The following TGFB1 variants were observed in gnomAD, a reference collection of about 807,000 sequenced individuals.
The protein encoded by TGFB1 is transforming growth factor beta 1.
TGFB1 carries 19 observed loss-of-function variants against 43.8 expected under a neutral mutation model. The ratio of observed to expected loss-of-function variants is 0.43; its 90% CI spans 0.30 to 0.64. The LOEUF (loss-of-function observed/expected upper bound fraction) is 0.64. TGFB1 is among the 30% of genes least tolerant of loss of function. The probability of loss-of-function intolerance (pLI) is 0.11; values close to 1 mark genes in which losing one functional copy is unlikely to be tolerated. For missense variants in TGFB1, 445 were observed against 529.8 expected, an observed-to-expected ratio of 0.84 and a Z score of 1.57; for synonymous variants, 221 against 236.3, an observed-to-expected ratio of 0.94 and a Z score of 0.60.
chr19:41,335,020 T>C (rs2037973721), intron 5 of TGFB1, among the ~76,000 whole-genome samples: 3 of 151,788 alleles, frequency 2.0e-5, no homozygotes, highest in African/African-American at 7.3e-5. Context: ...CAGGAAGTTC[T>C]GAACTCACAA....
intron 2 of TGFB1, among the ~76,000 whole-genome samples, chr19:41,346,821 G>A (rs578093768): frequency 6.6e-6 from 1 of 152,178 alleles, no homozygotes; most frequent in Admixed American, 6.6e-5. Context: ...CACCTCCTGG[G>A]GTCAAGCGAT....
rs2038223438 is a variant in TGFB1, at chr19:41,352,730, G to C, written c.315C>G (p.Ala105=). The C allele has an allele frequency of 6.2e-7, 1 of 1,613,670 alleles. No homozygotes were observed. Among genetic ancestry groups the C allele is most frequent in the Non-Finnish European group, 8.5e-7 (1 of 1,179,834 alleles). Residue 105 remains alanine, a synonymous_variant, in exon 1 of 7, where the codon GCC becomes GCG. Coordinates refer to ENST00000221930, the MANE Select transcript of TGFB1 (RefSeq NM_000660.7). The part of the protein sequence containing the change: ...PEPEPEADYY[A]KEVTRVLMVE... ...CCATTAGCACGCGGGTGACCTCCTTGGCGTAGTAGTCGGCCTCAGGCTCGG... is the reference window on the plus strand; with the variant it reads ...CCATTAGCACGCGGGTGACCTCCTTCGCGTAGTAGTCGGCCTCAGGCTCGG...
At chr19:41,333,514 A>G (rs1005540853) in intron 5 of TGFB1, among the ~76,000 whole-genome samples, 2 of 151,870 alleles carry the variant, frequency 1.3e-5, no homozygotes, top group African/African-American at 4.8e-5. Context: ...CATCTGGCCT[A>G]TTTATTCTTT....
rs201772874 is a variant in TGFB1, at chr19:41,342,202, C to T, written c.680G>A (p.Ser227Asn). 16 of 1,608,276 alleles carry T rather than the reference C, an allele frequency of 9.9e-6. No homozygotes were observed. Among genetic ancestry groups the T allele is most frequent in the Non-Finnish European group, 1.4e-5 (16 of 1,177,358 alleles). ...FRLSAHCSCDSRDNTLQVDIN... is the reference protein window; with the variant it reads ...FRLSAHCSCDNRDNTLQVDIN... ...GTCCACTTGCAGTGTGTTATCCCTG[C>T]TGTCACAGGAGCAGTGGGCGCTAAG... Residue 227 changes from serine to asparagine, a missense_variant, in exon 4 of 7, where the codon AGC (serine) becomes AAC (asparagine). Ser to Asn is a conservative substitution (Grantham distance 46). Coordinates refer to ENST00000221930, the MANE Select transcript of TGFB1 (RefSeq NM_000660.7).
intron 1 of TGFB1, among the ~76,000 whole-genome samples, chr19:41,350,135 C>T (rs1184690571): frequency 6.6e-6 from 1 of 152,056 alleles, no homozygotes; most frequent in Non-Finnish European, 1.5e-5. Context: ...CATGAGCCAC[C>T]ACACCCACCC....
intron 2 of TGFB1, among the ~76,000 whole-genome samples, chr19:41,346,503 G>A (rs1167529522): frequency 6.6e-6 from 1 of 152,174 alleles, no homozygotes; most frequent in Non-Finnish European, 1.5e-5. Context: ...CATCCTATGA[G>A]TTAACATTCC....
intron 5 of TGFB1, among the ~76,000 whole-genome samples, chr19:41,340,994 T>C (rs971722862): frequency 2.0e-5 from 3 of 152,122 alleles, no homozygotes; most frequent in African/African-American, 7.2e-5. Flanking sequence ...ATTCCAACAA[T>C]CACAGGGTTC....
chr19:41,349,315 G>A (rs912330911), intron 1 of TGFB1, among the ~76,000 whole-genome samples: 1 of 152,184 alleles, frequency 6.6e-6, no homozygotes, highest in Non-Finnish European at 1.5e-5. Context: ...GTAACCTTGG[G>A]CAAGTGAATT....
chr19:41,347,778 A>G (rs2038132080), intron 2 of TGFB1, among the ~76,000 whole-genome samples: 1 of 140,704 alleles, frequency 7.1e-6, no homozygotes, highest in Non-Finnish European at 1.5e-5. Flanking sequence ...CAGTGAGCCG[A>G]GATCACCCCA....
At position 41,348,416 on chromosome 19, in the gene TGFB1, T is replaced by C. The variant is rs200481365; in HGVS notation, c.395A>G (p.Tyr132Cys). Residue 132 changes from tyrosine to cysteine, a missense_variant, in exon 2 of 7, where the codon TAT becomes TGT. By Grantham distance (194) the Tyr-to-Cys change is radical (BLOSUM62 -2). Transcript: ENST00000221930. The stretch of plus-strand genomic sequence containing the variant: ...GAGCTCTGATGTGTTGAAGAACATA[T>C]ATATGCTGTGTGTACTCTGCTTGAA... ...DKFKQSTHSI[Y>C]MFFNTSELRE... is the part of the protein sequence containing the mutation. 12 of 1,613,006 alleles carry C rather than the reference T, an allele frequency of 7.4e-6. No individual in the cohort carries two copies. Among genetic ancestry groups the C allele is most frequent in the Non-Finnish European group, 9.3e-6 (11 of 1,179,556 alleles).
rs1194068040 is a variant in TGFB1 at position 41,331,208 on chromosome 19, G to C, written c.1017C>G (p.Val339=). Residue 339 remains valine, a splice_region_variant and synonymous_variant, in exon 7 of 7, where the codon GTC becomes GTG. Coordinates refer to ENST00000221930, the MANE Select transcript of TGFB1 (RefSeq NM_000660.7). The part of the protein sequence containing the change: ...IWSLDTQYSK[V]LALYNQHNPG... ...GGTTATGCTGGTTGTACAGGGCCAG[G>C]ACCTGCGGGCGGCGGGCGGGGTCAG... 2 of 1,521,800 alleles carry C rather than the reference G, an allele frequency of 1.3e-6. No individual in the cohort carries two copies. The highest frequency in any genetic ancestry group is 1.8e-6 in the Non-Finnish European group (2 of 1,134,836). 94.3% of individuals were successfully genotyped at this position (1,521,800 alleles called of 1,614,324 possible). A position where few individuals can be genotyped will look rare whatever the true frequency, so the allele number is the denominator to read the frequency against.
intron 5 of TGFB1, among the ~76,000 whole-genome samples, chr19:41,341,537 T>G (rs2038056030): frequency 6.6e-6 from 1 of 151,698 alleles, no homozygotes; most frequent in African/African-American, 2.4e-5. Context: ...TTTTTTTGTT[T>G]TTTGTGGCTG....
At chr19:41,336,386 C>CTT (rs60810325) in intron 5 of TGFB1, among the ~76,000 whole-genome samples, 1 of 134,572 alleles carries the variant, frequency 7.4e-6, no homozygotes, top group Non-Finnish European at 1.6e-5. Flanking sequence ...TCCACTATCT[C>CTT]TTTTTTTTTT....
chr19:41,344,492 C>T (rs1168239169), intron 3 of TGFB1, among the ~76,000 whole-genome samples: 1 of 152,184 alleles, frequency 6.6e-6, no homozygotes, highest in African/African-American at 2.4e-5. Flanking sequence ...ACTATATGAG[C>T]TCTGTGAGGG....
At chr19:41,331,961 T>C in intron 6 of TGFB1, 167 bp downstream of exon 6, 1 of 946,152 alleles carries the variant, frequency 1.1e-6, no homozygotes, top group Middle Eastern at 2.7e-4. Context: ...CCTCTCTAGC[T>C]TCCTGCCTCT....
rs1292151485 is a variant in TGFB1, at chr19:41,353,157, G to A, written c.-113C>T. The A allele has an allele frequency of 7.5e-7, 1 of 1,339,432 alleles. No homozygotes were observed. The highest frequency in any genetic ancestry group is 9.8e-7 in the Non-Finnish European group (1 of 1,022,782). The allele number at this position is 1,339,432 out of a possible 1,614,324, so 83.0% of individuals were successfully genotyped here. A position where few individuals can be genotyped will look rare whatever the true frequency, so the allele number is the denominator to read the frequency against. ...TCCCGGCAAAAGGTAGGAGGGCCTCGAGGGAAAGCTGAGGTCCTCAGGGAG... is the reference window on the plus strand; with the variant it reads ...TCCCGGCAAAAGGTAGGAGGGCCTCAAGGGAAAGCTGAGGTCCTCAGGGAG... On this transcript the variant is annotated 5_prime_UTR_variant, in exon 1 of 7. Coordinates refer to ENST00000221930, the MANE Select transcript of TGFB1 (RefSeq NM_000660.7). This position sits in a 1 kb window ranked among gnomAD's most constrained non-coding sequence, Gnocchi z 5.9.
intron 3 of TGFB1, among the ~76,000 whole-genome samples, chr19:41,342,869 C>T (rs1051206429): frequency 6.6e-6 from 1 of 152,210 alleles, no homozygotes; most frequent in East Asian, 1.9e-4. Context: ...CTATGTTGCC[C>T]AGGCTGGGCT....
At position 41,353,014 on chromosome 19, in the gene TGFB1, G is replaced by C. The variant is rs2038232243; in HGVS notation, c.31C>G (p.Leu11Val). Residue 11 changes from leucine (L) to valine (V), a missense_variant, in exon 1 of 7, where the codon CTG becomes GTG. By Grantham distance (32) the Leu-to-Val change is conservative (BLOSUM62 1). Coordinates refer to ENST00000221930, the MANE Select transcript of TGFB1 (RefSeq NM_000660.7). The surrounding 1 kb of genome is among the most constrained non-coding windows in gnomAD (Gnocchi z 5.9). MPPSGLRLLP[L>V]LLPLLWLLVL... Reference sequence around the variant, plus strand: ...AGTAGCCACAGCAGCGGTAGCAGCAGCGGCAGCAGCCGCAGCCCGGAGGGC... The same window carrying C: ...AGTAGCCACAGCAGCGGTAGCAGCACCGGCAGCAGCCGCAGCCCGGAGGGC... 1 of 1,420,934 alleles carries C rather than the reference G, an allele frequency of 7.0e-7. No individual in the cohort carries two copies. The highest frequency in any genetic ancestry group is 1.4e-5 in the African/African-American group (1 of 70,668). 88.0% of individuals were successfully genotyped at this position (1,420,934 alleles called of 1,614,324 possible).
intron 5 of TGFB1, among the ~76,000 whole-genome samples, chr19:41,340,998 A>C (rs1353651693): frequency 2.0e-5 from 3 of 152,164 alleles, no homozygotes; most frequent in African/African-American, 7.2e-5. Context: ...CAACAATCAC[A>C]GGGTTCAACT....
Sources: allele counts gnomAD v4.1 joint callset (sites outside exome capture counted in the v4.1 genomes callset), GRCh38; gene constraint gnomAD v4.1.1; non-coding constraint Gnocchi (gnomAD v3.1); transcripts MANE v1.5; gene names NCBI Gene and HGNC (gene_info 2026-07-23, HGNC 2026-07-21).